The following DPY19L3 variants were observed in gnomAD, a reference collection of about 807,000 sequenced individuals.
The protein encoded by DPY19L3 is dpy-19 like C-mannosyltransferase 3.
DPY19L3 carries 51 observed loss-of-function variants against 92.3 expected under a neutral mutation model. The ratio of observed to expected loss-of-function variants is 0.55; its 90% confidence interval spans 0.44 to 0.70. The LOEUF is 0.70. DPY19L3 is among the 30% of genes least tolerant of loss of function. The pLI, the probability that DPY19L3 is intolerant of heterozygous loss-of-function variation, is 0.00. For missense variants in DPY19L3, 706 were observed against 855.9 expected, an observed-to-expected ratio of 0.82 and a Z score of 2.18; for synonymous variants, 309 against 315.2, an observed-to-expected ratio of 0.98 and a Z score of 0.21.
chr19:32,416,105 A>G (rs1266239398), intron 3 of DPY19L3, among the ~76,000 whole-genome samples: 1 of 152,196 alleles, frequency 6.6e-6, no homozygotes, highest in Non-Finnish European at 1.5e-5. Context: ...AGTGATGAGG[A>G]GAAGGTAGAA....
chr19:32,439,746 G>A (rs1310633983), intron 7 of DPY19L3, 30 bp from the exon 8 acceptor site: 1 of 1,606,734 alleles, frequency 6.2e-7, no homozygotes, highest in East Asian at 2.2e-5. Flanking sequence ...CTAGAGACAT[G>A]TAAATTATAC....
At chr19:32,415,324 A>G (rs1256469681) in intron 3 of DPY19L3, among the ~76,000 whole-genome samples, 1 of 152,192 alleles carries the variant, frequency 6.6e-6, no homozygotes, top group Non-Finnish European at 1.5e-5. Context: ...AAGGATGAGT[A>G]AGAGTTAACC....
intron 3 of DPY19L3, among the ~76,000 whole-genome samples, chr19:32,419,091 C>G (rs558348234): frequency 6.6e-6 from 1 of 151,020 alleles, no homozygotes; most frequent in African/African-American, 2.4e-5. Flanking sequence ...TTTAAAATAC[C>G]CTTTATTGAA....
intron 3 of DPY19L3, among the ~76,000 whole-genome samples, chr19:32,419,024 T>A (rs1026344493): frequency 6.6e-6 from 1 of 152,192 alleles, no homozygotes; most frequent in African/African-American, 2.4e-5. Context: ...GTTATTTTTC[T>A]ATTGTCTTCA....
In DPY19L3 at chr19:32,471,228, G is replaced by T. The variant is rs190410117; in HGVS notation, c.1697+2415G>T. ...CTGCGGCCTAAGGACTCTTTCAGAC[G>T]CATGGGCTGTGTCTGAAAGAGTCCC... On this transcript the variant is annotated intron_variant, in intron 16 of 18. Transcript: ENST00000392250. Among the ~76,000 whole-genome samples, 261 of 152,292 alleles carry T rather than the reference G, an allele frequency of 1.7e-3. 6 individuals carry two copies. In the South Asian group the frequency reaches 0.034, roughly 20 times the overall value.
At chr19:32,444,361 G>C (rs1457443085) in intron 8 of DPY19L3, among the ~76,000 whole-genome samples, 1 of 152,054 alleles carries the variant, frequency 6.6e-6, no homozygotes, top group East Asian at 1.9e-4. Flanking sequence ...TCAGAGGAAA[G>C]AATCAGTGAA....
At chr19:32,480,768 G>A in intron 18 of DPY19L3, 1 of 632,184 alleles carries the variant, frequency 1.6e-6, no homozygotes, top group South Asian at 2.1e-5. Flanking sequence ...TGAGAGGGGA[G>A]CCCTGGGTCC....
chr19:32,460,893 C>CG (rs1555724746), intron 12 of DPY19L3, among the ~76,000 whole-genome samples: 3 of 96,588 alleles, frequency 3.1e-5, no homozygotes, highest in Non-Finnish European at 6.0e-5. Flanking sequence ...TTTTGAAATG[C>CG]ATCTCGCTCT....
rs1389834762 is a variant in DPY19L3 at position 32,405,806 on chromosome 19, G to C, written c.-141G>C. On this transcript the variant is annotated 5_prime_UTR_variant, in exon 1 of 19. Coordinates refer to ENST00000392250, the MANE Select transcript of DPY19L3 (RefSeq NM_001172774.2). Reference sequence around the variant, plus strand: ...GCTCCGCGGCGGTTCTGCCCTCCTTGTACCCGCGGCGCGCTGCGGCCCGTG... The same window carrying C: ...GCTCCGCGGCGGTTCTGCCCTCCTTCTACCCGCGGCGCGCTGCGGCCCGTG... 4 of 152,174 alleles carry C rather than the reference G, an allele frequency of 2.6e-5. No individual in the cohort carries two copies. The highest frequency in any genetic ancestry group is 5.9e-5 in the Non-Finnish European group (4 of 68,102). The allele number at this position is 152,174 out of a possible 1,614,324, so 9.4% of individuals were successfully genotyped here. A position where few individuals can be genotyped will look rare whatever the true frequency, so the allele number is the denominator to read the frequency against.
intron 4 of DPY19L3, among the ~76,000 whole-genome samples, chr19:32,435,908 C>G (rs749810430): frequency 4.7e-4 from 72 of 152,324 alleles, no homozygotes; most frequent in Non-Finnish European, 8.8e-4. Context: ...TGGTCTGCCC[C>G]CAACATCTGC....
intron 16 of DPY19L3, among the ~76,000 whole-genome samples, chr19:32,475,574 T>C (rs1891706606): frequency 6.6e-6 from 1 of 152,222 alleles, no homozygotes; most frequent in Non-Finnish European, 1.5e-5. Context: ...AAAACTAATA[T>C]TTGTTCATAC....
intron 17 of DPY19L3, among the ~76,000 whole-genome samples, chr19:32,479,360 C>T (rs911669479): frequency 1.3e-5 from 2 of 151,946 alleles, no homozygotes; most frequent in African/African-American, 4.8e-5. Flanking sequence ...AAAGACAGGT[C>T]GAGTGCACAG....
intron 3 of DPY19L3, among the ~76,000 whole-genome samples, chr19:32,425,839 C>G (rs747661983): frequency 6.6e-6 from 1 of 152,084 alleles, no homozygotes; most frequent in Non-Finnish European, 1.5e-5. Flanking sequence ...AATAAGGACC[C>G]TAGGATTTTC....
rs890958809 is a variant in DPY19L3, at chr19:32,482,672, G to A, written c.*432G>A. ...TCGACTTATTTAATATGATTTCACT[G>A]GTGAAGACCAATTGGTAGCTTTTTA... On this transcript the variant is annotated 3_prime_UTR_variant, in exon 19 of 19. Coordinates refer to ENST00000392250, the MANE Select transcript of DPY19L3 (RefSeq NM_001172774.2). The A allele has an allele frequency of 6.5e-6, 1 of 153,776 alleles. No individual in the cohort carries two copies. Among genetic ancestry groups the A allele is most frequent in the African/African-American group, 2.4e-5 (1 of 41,468 alleles). 9.5% of individuals were successfully genotyped at this position (153,776 alleles called of 1,614,324 possible). A position where few individuals can be genotyped will look rare whatever the true frequency, so the allele number is the denominator to read the frequency against.
At chr19:32,416,529 C>A (rs1968383968) in intron 3 of DPY19L3, among the ~76,000 whole-genome samples, 1 of 152,240 alleles carries the variant, frequency 6.6e-6, no homozygotes, top group Non-Finnish European at 1.5e-5. Context: ...GTTCCCACCA[C>A]CCACTCAGGT....
intron 16 of DPY19L3, among the ~76,000 whole-genome samples, chr19:32,476,728 G>A (rs1010476737): frequency 6.6e-6 from 1 of 152,062 alleles, no homozygotes; most frequent in Middle Eastern, 3.2e-3. Context: ...CTTAGTATTA[G>A]GGTGCCCCGT....
At chr19:32,407,785 C>T (rs948209427) in intron 1 of DPY19L3, among the ~76,000 whole-genome samples, 1 of 152,072 alleles carries the variant, frequency 6.6e-6, no homozygotes, top group Non-Finnish European at 1.5e-5. Flanking sequence ...AGGCCAGCAA[C>T]GATTTAGATG....
intron 18 of DPY19L3, 96 bp downstream of exon 18, chr19:32,480,653 A>G (rs1306107118): frequency 2.1e-6 from 3 of 1,401,888 alleles, no homozygotes; most frequent in African/African-American, 2.9e-5. Context: ...CTTAATGTCT[A>G]GTTGAATTAC....
At chr19:32,412,554 T>G (rs578095128) in intron 3 of DPY19L3, 8 of 152,090 alleles carry the variant, frequency 5.3e-5, no homozygotes, top group Admixed American at 4.6e-4. Flanking sequence ...CATGACTATC[T>G]AATACTCTGT....
Sources: allele counts gnomAD v4.1 joint callset (sites outside exome capture counted in the v4.1 genomes callset), GRCh38; gene constraint gnomAD v4.1.1; transcripts MANE v1.5; gene names NCBI Gene and HGNC (gene_info 2026-07-23, HGNC 2026-07-21).